Variants in RGS6 observed in about 807,000 individuals in gnomAD.
RGS6 encodes the protein regulator of G protein signaling 6.
A neutral mutation model predicts 78.5 loss-of-function variants in RGS6; 30 were observed. That is an observed-to-expected ratio of 0.38 (90% confidence interval 0.29 to 0.52). RGS6 has a LOEUF of 0.52. Among genes scored for constraint, RGS6 ranks in the 20% least tolerant of loss-of-function variants. The pLI is 0.85. For synonymous variants in RGS6, 206 were observed against 206.0 expected (o/e 1.00, Z 0.00); for missense variants, 495 against 609.7 (o/e 0.81, Z 1.98).
chr14:72,104,453 T>C (rs917700994), intron 2 of RGS6, among the ~76,000 whole-genome samples: 1 of 152,230 alleles, frequency 6.6e-6, no homozygotes, highest in East Asian at 1.9e-4. Context: ...TCATAACTTT[T>C]ATGCATTTAT....
At chr14:72,006,280 C>G (rs915604168) in intron 2 of RGS6, among the ~76,000 whole-genome samples, 41 of 152,094 alleles carry the variant, frequency 2.7e-4, no homozygotes, top group Admixed American at 7.2e-4. Flanking sequence ...TGATGTCTAC[C>G]AATGCATTAG....
rs1222950427 is a variant in RGS6 at position 71,979,902 on chromosome 14, C to CT, written c.84+15030dup. ...TATTAATGTGTGGGAGTCTAAGTCT[C>CT]TTTGTAGGTCACTCAGGACTTGCTT... is the stretch of plus-strand genomic sequence containing the variant. On this transcript the variant is annotated intron_variant, in intron 2 of 17. Transcript: ENST00000553525. 2.8e-4 allele frequency among the ~76,000 whole-genome samples: 41 copies of CT among 144,420 alleles called. No homozygotes were observed. The East Asian group carries it at 6.4e-3, about 23-fold the overall frequency. 94.7% of individuals were successfully genotyped at this position (144,420 alleles called of 152,430 possible).
chr14:72,268,562 A>G (rs1027169629), intron 2 of RGS6, among the ~76,000 whole-genome samples: 1 of 152,214 alleles, frequency 6.6e-6, no homozygotes, highest in Non-Finnish European at 1.5e-5. Flanking sequence ...TGTGGTTAGC[A>G]CCATCTCTGC....
chr14:71,889,216 T>A, the RGS6 span, among the ~76,000 whole-genome samples: 24 of 152,102 alleles, frequency 1.6e-4, no homozygotes, highest in African/African-American at 4.1e-4. Flanking sequence ...AGGTGGACTT[T>A]GGTGTGTTTG....
intron 2 of RGS6, among the ~76,000 whole-genome samples, chr14:71,989,732 A>G (rs1426531100): frequency 6.6e-6 from 1 of 152,184 alleles, no homozygotes; most frequent in Non-Finnish European, 1.5e-5. Context: ...GATAGACTCT[A>G]AGCCGTATGG....
chr14:72,328,099 G>A (rs369134023), intron 2 of RGS6, among the ~76,000 whole-genome samples: 1 of 152,132 alleles, frequency 6.6e-6, no homozygotes, highest in Non-Finnish European at 1.5e-5. Flanking sequence ...AAAGCTGGAT[G>A]TCCCAGGTCA....
chr14:72,049,909 C>A (rs1403977592), intron 2 of RGS6, among the ~76,000 whole-genome samples: 1 of 151,866 alleles, frequency 6.6e-6, no homozygotes, highest in Non-Finnish European at 1.5e-5. Flanking sequence ...AATATAACAA[C>A]CAAAACCAAA....
intron 3 of RGS6, among the ~76,000 whole-genome samples, chr14:72,428,050 C>T (rs186848874): frequency 3.7e-4 from 56 of 152,158 alleles, no homozygotes; most frequent in African/African-American, 1.0e-3. Flanking sequence ...GAAGACCAAG[C>T]GGTAAAGGGA....
intron 2 of RGS6, among the ~76,000 whole-genome samples, chr14:72,273,531 T>A (rs1020478103): frequency 6.6e-6 from 1 of 152,204 alleles, no homozygotes; most frequent in Non-Finnish European, 1.5e-5. Context: ...CTGGCATTGA[T>A]AAGCTGTTGA....
At chr14:71,918,461 T>G in the RGS6 span, among the ~76,000 whole-genome samples, 1 of 152,194 alleles carries the variant, frequency 6.6e-6, no homozygotes, top group African/African-American at 2.4e-5. Context: ...CTTCTCTTAA[T>G]TTTGTTTAGT....
intron 2 of RGS6, among the ~76,000 whole-genome samples, chr14:72,176,730 G>A (rs149656): frequency 0.18 from 27,503 of 152,122 alleles, 2,705 homozygotes; most frequent in East Asian, 0.32. Context: ...AACTAGGGAA[G>A]ATTTATTTTA....
intron 2 of RGS6, among the ~76,000 whole-genome samples, chr14:72,103,789 C>T (rs934205286): frequency 3.3e-5 from 5 of 152,206 alleles, no homozygotes; most frequent in African/African-American, 1.2e-4. Context: ...GACACATCGT[C>T]ACTTCCACCA....
chr14:71,948,738 C>CTTTTTTTTTTTT lies in RGS6; in HGVS notation c.-21+15798_-21+15799insTTTTTTTTTTTT, dbSNP rs766352167. On this transcript the variant is annotated intron_variant, in intron 1 of 17. Coordinates refer to ENST00000553525, the MANE Select transcript of RGS6 (RefSeq NM_001204424.2). ...AAGCTGATTTCCTTTCTCTCTCTCT[C>CTTTTTTTTTTTT]TCTTTTTTTTTTTTTTTTTTTTTTT... Among the ~76,000 whole-genome samples, 22 of 75,214 alleles carry CTTTTTTTTTTTT rather than the reference C, an allele frequency of 2.9e-4. 3 individuals carry two copies. The highest frequency in any genetic ancestry group is 1.1e-3 in the African/African-American group (17 of 15,136). The allele number at this position is 75,214 out of a possible 152,430, so 49.3% of individuals were successfully genotyped here. A position where few individuals can be genotyped will look rare whatever the true frequency, so the allele number is the denominator to read the frequency against.
At chr14:72,307,095 A>G (rs932686939) in intron 2 of RGS6, among the ~76,000 whole-genome samples, 3 of 152,230 alleles carry the variant, frequency 2.0e-5, no homozygotes, top group African/African-American at 4.8e-5. Flanking sequence ...GTCAGCAGCC[A>G]TCAACATCAA....
intron 12 of RGS6, among the ~76,000 whole-genome samples, chr14:72,484,427 C>T (rs2096448852): frequency 6.6e-6 from 1 of 152,152 alleles, no homozygotes; most frequent in South Asian, 2.1e-4. Flanking sequence ...TCCCCACCTG[C>T]TCCATATATG....
the RGS6 span, among the ~76,000 whole-genome samples, chr14:71,874,930 T>A: frequency 3.3e-5 from 5 of 152,240 alleles, no homozygotes; most frequent in African/African-American, 4.8e-5. Flanking sequence ...GTTCTGTTTA[T>A]CTGATGGATT....
At chr14:72,342,139 T>C (rs757014342) in intron 2 of RGS6, among the ~76,000 whole-genome samples, 5 of 152,200 alleles carry the variant, frequency 3.3e-5, no homozygotes, top group Admixed American at 3.3e-4. Flanking sequence ...TGCCACATGG[T>C]GTTCCATGTA....
intron 2 of RGS6, among the ~76,000 whole-genome samples, chr14:72,117,791 C>T (rs901617084): frequency 4.6e-5 from 7 of 152,318 alleles, no homozygotes; most frequent in African/African-American, 1.7e-4. Context: ...ACGCTGGCTA[C>T]TATGTGGTGG....
At chr14:72,083,129 T>A (rs994875683) in intron 2 of RGS6, among the ~76,000 whole-genome samples, 1 of 152,308 alleles carries the variant, frequency 6.6e-6, no homozygotes, top group Middle Eastern at 3.4e-3. Flanking sequence ...CCTAGAAAAC[T>A]TGCCTATAAG....
Sources: allele counts gnomAD v4.1 joint callset (sites outside exome capture counted in the v4.1 genomes callset), GRCh38; gene constraint gnomAD v4.1.1; transcripts MANE v1.5; gene names NCBI Gene and HGNC (gene_info 2026-07-23, HGNC 2026-07-21).